Variants in MDGA2 observed in about 807,000 individuals in gnomAD.
MDGA2 encodes MAM domain-containing glycosylphosphatidylinositol anchor protein 2.
In MDGA2, 40 loss-of-function variants were observed where a neutral mutation model predicts 117.8. That is an observed-to-expected ratio of 0.34 (90% CI 0.26 to 0.44). The LOEUF is 0.44. MDGA2 is among the 20% of genes least tolerant of loss of function. MDGA2 has a pLI of 1.00. For synonymous variants in MDGA2, 452 were observed against 439.0 expected, an observed-to-expected ratio of 1.03 and a Z score of -0.37; for missense variants, 1,123 against 1,250.6, an observed-to-expected ratio of 0.90 and a Z score of 1.54.
intron 1 of MDGA2, among the ~76,000 whole-genome samples, chr14:47,414,859 A>T (rs1002736562): frequency 6.6e-6 from 1 of 152,180 alleles, no homozygotes; most frequent in African/African-American, 2.4e-5. Context: ...CAAGCAAAAA[A>T]TTCTTAAAAT....
In MDGA2 at chr14:47,092,662, G is replaced by C. The variant is rs371041282; in HGVS notation, c.1195+4192C>G. Among the ~76,000 whole-genome samples the C allele has an allele frequency of 1.0e-3, 153 of 152,174 alleles. 2 individuals carry two copies. The highest frequency in any genetic ancestry group is 3.5e-3 in the African/African-American group (145 of 41,530). On this transcript the variant is annotated intron_variant, in intron 6 of 16. Transcript: ENST00000399232. ...CAATGTTGCCTGACTCATATCTGAA[G>C]AAACTAAAACCTGTGTGGCAAGAGA...
intron 3 of MDGA2, among the ~76,000 whole-genome samples, chr14:47,171,789 T>C (rs1285174349): frequency 1.3e-5 from 2 of 152,116 alleles, no homozygotes; most frequent in South Asian, 2.1e-4. Flanking sequence ...TGCCAGACAG[T>C]GGGCTCAGGA....
intron 10 of MDGA2, among the ~76,000 whole-genome samples, chr14:46,894,279 C>G (rs564219344): frequency 6.6e-6 from 1 of 152,134 alleles, no homozygotes; most frequent in South Asian, 2.1e-4. Flanking sequence ...AATATTATTA[C>G]CCAATATTGT....
In MDGA2 at chr14:47,452,915, A is replaced by G. The variant is rs111669518; in HGVS notation, c.281-151365T>C. ...CATAAGACTGAAGGCATCTGAGACCATGAGTCACATTGTGGAAGGCCACCA... is the reference window on the plus strand; with the variant it reads ...CATAAGACTGAAGGCATCTGAGACCGTGAGTCACATTGTGGAAGGCCACCA... On this transcript the variant is annotated intron_variant, in intron 1 of 16. Coordinates refer to ENST00000399232, the MANE Select transcript of MDGA2 (RefSeq NM_001113498.3). Among the ~76,000 whole-genome samples the G allele has an allele frequency of 1.1e-3, 167 of 152,246 alleles. 1 individual carries two copies. The highest frequency in any genetic ancestry group is 3.5e-3 in the African/African-American group (145 of 41,562).
intron 1 of MDGA2, among the ~76,000 whole-genome samples, chr14:47,541,713 T>C (rs1895356027): frequency 6.6e-6 from 1 of 152,190 alleles, no homozygotes; most frequent in South Asian, 2.1e-4. Context: ...TGAAGAAATG[T>C]CTTCATCTAC....
intron 2 of MDGA2, among the ~76,000 whole-genome samples, chr14:47,247,801 C>A (rs527947617): frequency 4.6e-5 from 7 of 151,244 alleles, no homozygotes; most frequent in South Asian, 4.2e-4. Context: ...TAGCACCCCC[C>A]ACTCCCTGAT....
chr14:46,929,487 G>A (rs899184878), intron 9 of MDGA2, among the ~76,000 whole-genome samples: 6 of 149,224 alleles, frequency 4.0e-5, no homozygotes, highest in Non-Finnish European at 8.9e-5. Flanking sequence ...ATTCCTCAAG[G>A]TGAAGGTTAT....
chr14:47,066,118 C>T (rs796592152), intron 6 of MDGA2, among the ~76,000 whole-genome samples: 6 of 152,208 alleles, frequency 3.9e-5, no homozygotes, highest in South Asian at 4.1e-4. Flanking sequence ...AGATAGTAAA[C>T]GATAGTATGT....
chr14:47,389,750 A>T (rs1210750619), intron 1 of MDGA2, among the ~76,000 whole-genome samples: 1 of 152,130 alleles, frequency 6.6e-6, no homozygotes, highest in Admixed American at 6.6e-5. Context: ...GGGGGGAGGG[A>T]TTTCCCAGAG....
chr14:47,201,025 A>T, intron 3 of MDGA2: 1 of 1,074,464 alleles, frequency 9.3e-7, no homozygotes, highest in Non-Finnish European at 1.4e-6. Context: ...GCCCAGCAGT[A>T]CCTGTTTAGC....
chr14:47,653,855 G>A (rs1897691472), intron 1 of MDGA2, among the ~76,000 whole-genome samples: 1 of 152,154 alleles, frequency 6.6e-6, no homozygotes, highest in African/African-American at 2.4e-5. Context: ...CACAAGCCAA[G>A]ACATAAAAGG....
rs1416690783 is a variant in MDGA2 at position 47,675,302 on chromosome 14, G to C, written c.-506C>G. On this transcript the variant is annotated 5_prime_UTR_variant, in exon 1 of 17. Transcript: ENST00000399232. ...TTACACGATACAGACTCGCATCGCC[G>C]AACGGGGAGAGGAGGAAGAGGAGGA... Among the ~76,000 whole-genome samples the C allele has an allele frequency of 3.0e-5, 4 of 134,322 alleles. No individual in the cohort carries two copies. The highest frequency in any genetic ancestry group is 1.1e-4 in the African/African-American group (4 of 36,146). The allele number at this position is 134,322 out of a possible 152,430, so 88.1% of individuals were successfully genotyped here. A position where few individuals can be genotyped will look rare whatever the true frequency, so the allele number is the denominator to read the frequency against.
intron 6 of MDGA2, among the ~76,000 whole-genome samples, chr14:47,073,227 G>A (rs942713869): frequency 3.3e-5 from 5 of 152,142 alleles, no homozygotes; most frequent in African/African-American, 7.2e-5. Flanking sequence ...AAGGGTAAGC[G>A]ATTAATAGCC....
At chr14:47,292,343 G>A (rs1041327175) in intron 2 of MDGA2, among the ~76,000 whole-genome samples, 1 of 152,112 alleles carries the variant, frequency 6.6e-6, no homozygotes, top group Non-Finnish European at 1.5e-5. Flanking sequence ...TTATTTCACA[G>A]GTCATATAAC....
At chr14:46,942,479 A>G (rs905863990) in intron 9 of MDGA2, among the ~76,000 whole-genome samples, 13 of 152,104 alleles carry the variant, frequency 8.5e-5, no homozygotes, top group African/African-American at 2.9e-4. Context: ...GGAAAAATAT[A>G]TATTGCTATG....
chr14:47,379,774 G>T (rs1008347079), intron 1 of MDGA2, among the ~76,000 whole-genome samples: 2 of 152,082 alleles, frequency 1.3e-5, no homozygotes, highest in African/African-American at 2.4e-5. Flanking sequence ...ATAATAATGG[G>T]AGACTTTAAC....
chr14:47,436,003 C>T (rs1393674062), intron 1 of MDGA2, among the ~76,000 whole-genome samples: 2 of 152,002 alleles, frequency 1.3e-5, no homozygotes, highest in Non-Finnish European at 2.9e-5. Context: ...TCAAGCTGGT[C>T]GCTTTTAGTC....
intron 1 of MDGA2, among the ~76,000 whole-genome samples, chr14:47,474,507 A>C (rs182758132): frequency 1.3e-5 from 2 of 152,182 alleles, no homozygotes; most frequent in African/African-American, 4.8e-5. Flanking sequence ...TATGGAACCA[A>C]AAATGAGCCT....
chr14:47,157,593 A>ATGTGTG (rs1451729821), intron 3 of MDGA2, among the ~76,000 whole-genome samples: 3 of 125,178 alleles, frequency 2.4e-5, no homozygotes, highest in Admixed American at 8.6e-5. Flanking sequence ...CTATGTACAT[A>ATGTGTG]TATGTGTGTG....
Sources: gnomAD v4.1 joint callset for allele counts (sites outside exome capture counted in the v4.1 genomes callset) on GRCh38, gnomAD v4.1.1 for gene constraint, MANE v1.5 for transcripts, NCBI Gene and HGNC (gene_info 2026-07-23, HGNC 2026-07-21) for gene names.